PPP1R21: variants seen among roughly 807,000 people sequenced by gnomAD.
The protein encoded by PPP1R21 is protein phosphatase 1 regulatory subunit 21, also known as KLRAQ motif containing 1.
Under a neutral mutation model 112.8 loss-of-function variants are expected in PPP1R21, and 85 were observed. The observed-to-expected ratio is 0.75, with a 90% CI of 0.63 to 0.90. The LOEUF is 0.90. PPP1R21 is among the 40% of genes least tolerant of loss of function. The pLI is 0.00. For missense variants in PPP1R21, 1,199 were observed against 901.5 expected (o/e 1.33, Z -4.23); for synonymous variants, 381 against 322.3 (o/e 1.18, Z -1.95).
intron 12 of PPP1R21, among the ~76,000 whole-genome samples, chr2:48,478,609 C>CT (rs1320296281): frequency 3.9e-5 from 6 of 152,170 alleles, no homozygotes; most frequent in African/African-American, 1.4e-4. Flanking sequence ...AGTTTGGGCT[C>CT]TTTTACGGGT....
chr2:48,501,293 G>C (rs1670100057), intron 17 of PPP1R21, among the ~76,000 whole-genome samples: 1 of 152,162 alleles, frequency 6.6e-6, no homozygotes, highest in Admixed American at 6.5e-5. Context: ...CATTATGTCT[G>C]ATTTCTTCTC....
intron 9 of PPP1R21, among the ~76,000 whole-genome samples, chr2:48,469,500 T>TAGAG (rs1215285698): frequency 0.071 from 3,307 of 46,878 alleles, 423 homozygotes; most frequent in Non-Finnish European, 0.094. Flanking sequence ...TATATATATA[T>TAGAG]ATATAGAGCA....
At chr2:48,450,927 T>TG in intron 1 of PPP1R21, 81 bp from the exon 2 acceptor site, 1 of 1,137,432 alleles carries the variant, frequency 8.8e-7, no homozygotes, top group Non-Finnish European at 1.3e-6. Context: ...AGTGTAATGA[T>TG]GCCTGTAAAA....
intron 12 of PPP1R21, among the ~76,000 whole-genome samples, chr2:48,478,946 A>T (rs941784479): frequency 1.3e-5 from 2 of 152,296 alleles, no homozygotes; most frequent in African/African-American, 4.8e-5. Flanking sequence ...TGGGCTAGGG[A>T]CAGTGGTCAT....
chr2:48,480,103 G>A (rs1668943054), intron 13 of PPP1R21, 87 bp downstream of exon 13: 2 of 899,378 alleles, frequency 2.2e-6, no homozygotes, highest in African/African-American at 3.3e-5. Context: ...ACACTGCCAA[G>A]GGTAATAGAC....
chr2:48,447,213 G>A (rs1478098275), intron 1 of PPP1R21, among the ~76,000 whole-genome samples: 5 of 152,194 alleles, frequency 3.3e-5, no homozygotes, highest in Admixed American at 6.5e-5. Context: ...GGAGTGATTA[G>A]GAAAAATTAT....
intron 8 of PPP1R21, 108 bp downstream of exon 8, chr2:48,465,097 A>T (rs1055808139): frequency 1.2e-6 from 1 of 842,548 alleles, no homozygotes; most frequent in Non-Finnish European, 1.9e-6. Context: ...CAGTCATTGC[A>T]TTTAACTGTT....
intron 11 of PPP1R21, among the ~76,000 whole-genome samples, chr2:48,472,110 C>T (rs1345972470): frequency 6.6e-6 from 1 of 151,566 alleles, no homozygotes; most frequent in African/African-American, 2.4e-5. Flanking sequence ...CGTTGTGGTG[C>T]ATCCCTATAG....
intron 1 of PPP1R21, among the ~76,000 whole-genome samples, chr2:48,443,343 AG>A (rs1667112680): frequency 6.6e-6 from 1 of 152,216 alleles, no homozygotes; most frequent in Non-Finnish European, 1.5e-5. Flanking sequence ...GAGGAAGTTT[AG>A]GGTTGGAAGG....
At chr2:48,456,361 G>C (rs1019518926) in intron 3 of PPP1R21, among the ~76,000 whole-genome samples, 49 of 152,022 alleles carry the variant, frequency 3.2e-4, no homozygotes, top group African/African-American at 1.2e-3. Flanking sequence ...AGTAGAATGG[G>C]TAGAAGGGAA....
rs756176888 is a variant in PPP1R21 at position 48,471,078 on chromosome 2, C to A, written c.898-9C>A. 1 of 1,553,932 alleles carries A rather than the reference C, an allele frequency of 6.4e-7. No individual in the cohort carries two copies. Among genetic ancestry groups the A allele is most frequent in the Non-Finnish European group, 8.9e-7 (1 of 1,126,168 alleles). ...TGATTTAATTCACAATACTTTCCCT[C>A]CTGTTTAGTTCTCACAATACCTTCA... On this transcript the variant is annotated splice_polypyrimidine_tract_variant and intron_variant, in intron 9 of 21. Coordinates refer to ENST00000294952, the MANE Select transcript of PPP1R21 (RefSeq NM_001135629.3).
intron 9 of PPP1R21, 27 bp from the exon 10 acceptor site, chr2:48,471,060 A>G (rs1668475491): frequency 6.9e-7 from 1 of 1,443,466 alleles, no homozygotes; most frequent in Non-Finnish European, 9.7e-7. Flanking sequence ...CAGTGATTTA[A>G]TTCACAATAC....
chr2:48,474,315 G>A (rs1355443583), intron 11 of PPP1R21, among the ~76,000 whole-genome samples: 3 of 152,132 alleles, frequency 2.0e-5, no homozygotes, highest in Non-Finnish European at 2.9e-5. Context: ...CCTGGGATGC[G>A]GAGGTTACAG....
Position 48,507,343 on chromosome 2 carries a change from G to A in PPP1R21, c.2043G>A (p.Gln681=). 1 of 1,595,924 alleles carries A rather than the reference G, an allele frequency of 6.3e-7. No individual in the cohort carries two copies. The highest frequency in any genetic ancestry group is 8.5e-7 in the Non-Finnish European group (1 of 1,174,360). Residue 681 remains glutamine (Q), a synonymous_variant, in exon 19 of 22, where the codon CAG becomes CAA. Transcript: ENST00000294952. ...YMARIVELTS[Q]LQLADSKSVH... The stretch of plus-strand genomic sequence containing the variant: ...CAAGGATAGTGGAACTTACGTCTCA[G>A]TTGCAGCTGGCTGACAGTAAGTCAG...
chr2:48,458,139 C>A lies in PPP1R21; in HGVS notation c.287C>A (p.Ser96Tyr), dbSNP rs1667805882. The change falls in exon 4 of 22, where the codon TCT becomes TAT. Residue 96 changes from serine (S) to tyrosine (Y), a missense_variant. Ser to Tyr is a moderately radical substitution (Grantham distance 144). Transcript: ENST00000294952. ...RGKKNKKSGESSSQLSQEQKS... is the reference protein window; with the variant it reads ...RGKKNKKSGEYSSQLSQEQKS... Reference sequence around the variant, plus strand: ...TCTTTCCATCAGAAAAGTGGAGAATCTTCTTCTCAGTTGAGTCAAGAGCAG... The same window carrying A: ...TCTTTCCATCAGAAAAGTGGAGAATATTCTTCTCAGTTGAGTCAAGAGCAG... 1.9e-6 allele frequency: 3 copies of A among 1,609,838 alleles called. No homozygotes were observed. Among genetic ancestry groups the A allele is most frequent in the Admixed American group, 1.7e-5 (1 of 59,936 alleles).
chr2:48,446,206 C>G (rs778905987), intron 1 of PPP1R21, among the ~76,000 whole-genome samples: 1 of 152,184 alleles, frequency 6.6e-6, no homozygotes, highest in Non-Finnish European at 1.5e-5. Flanking sequence ...ATCTCACTTT[C>G]CCCAAAAACT....
intron 3 of PPP1R21, among the ~76,000 whole-genome samples, chr2:48,456,614 A>G (rs1667735402): frequency 6.6e-6 from 1 of 152,246 alleles, no homozygotes; most frequent in East Asian, 1.9e-4. Context: ...TGTAATGGGT[A>G]GTTGCCATAA....
chr2:48,506,059 C>CAAAAAATA (rs1670358934), intron 18 of PPP1R21, among the ~76,000 whole-genome samples: 2 of 152,162 alleles, frequency 1.3e-5, no homozygotes, highest in Non-Finnish European at 1.5e-5. Flanking sequence ...GATAGGTTTG[C>CAAAAAATA]ACTTTTGAAT....
intron 9 of PPP1R21, among the ~76,000 whole-genome samples, chr2:48,470,479 C>T (rs1436989998): frequency 6.7e-6 from 1 of 148,900 alleles, no homozygotes; most frequent in East Asian, 2.0e-4. Context: ...AAGATCCCGC[C>T]ACTGCACTCC....
Sources: allele counts gnomAD v4.1 joint callset (sites outside exome capture counted in the v4.1 genomes callset), GRCh38; gene constraint gnomAD v4.1.1; transcripts MANE v1.5; gene names NCBI Gene and HGNC (gene_info 2026-07-23, HGNC 2026-07-21).